The following DLG2 variants were observed in gnomAD, a reference collection of about 807,000 sequenced individuals.
DLG2 encodes the protein disks large homolog 2.
In DLG2, 45 loss-of-function variants were observed where a neutral mutation model predicts 132.5. The ratio of observed to expected loss-of-function variants is 0.34; its 90% CI spans 0.27 to 0.44. The LOEUF is 0.44. DLG2 is among the 20% of genes least tolerant of loss of function. The pLI, the probability that DLG2 is intolerant of heterozygous loss-of-function variation, is 1.00. For synonymous variants in DLG2, 424 were observed against 419.6 expected, an observed-to-expected ratio of 1.01 and a Z score of -0.13; for missense variants, 1,045 against 1,196.9, an observed-to-expected ratio of 0.87 and a Z score of 1.87.
intron 7 of DLG2, among the ~76,000 whole-genome samples, chr11:84,511,059 A>G (rs371591587): frequency 1.7e-4 from 26 of 152,152 alleles, no homozygotes; most frequent in African/African-American, 6.0e-4. Flanking sequence ...GAGAAAATAT[A>G]TCTGTTCCTG....
At chr11:85,588,816 T>C (rs1437645696) in intron 3 of DLG2, among the ~76,000 whole-genome samples, 3 of 152,174 alleles carry the variant, frequency 2.0e-5, no homozygotes, top group African/African-American at 4.8e-5. Context: ...TGGAAAAATC[T>C]GGAACTCAAG....
chr11:84,173,605 T>G (rs1417516976), intron 8 of DLG2, among the ~76,000 whole-genome samples: 1 of 152,198 alleles, frequency 6.6e-6, no homozygotes, highest in Non-Finnish European at 1.5e-5. Context: ...CAAGAATATT[T>G]TCTTTTACTT....
At position 84,763,477 on chromosome 11, in the gene DLG2, A is replaced by G. The variant is rs184390314; in HGVS notation, c.358-228746T>C. The G allele has an allele frequency of 3.3e-5, 5 of 152,178 alleles. No individual in the cohort carries two copies. In the East Asian group the frequency reaches 9.7e-4, roughly 29 times the overall value. 9.4% of individuals were successfully genotyped at this position (152,178 alleles called of 1,614,324 possible). A position where few individuals can be genotyped will look rare whatever the true frequency, so the allele number is the denominator to read the frequency against. ...TCATCTCTCACCCTCATTTGGATCC[A>G]TATTTCAATGATCACATTCTCTGCC... On this transcript the variant is annotated intron_variant, in intron 6 of 27. Coordinates refer to ENST00000376104, the MANE Select transcript of DLG2 (RefSeq NM_001142699.3).
At chr11:84,529,548 C>A (rs2099330235) in intron 7 of DLG2, among the ~76,000 whole-genome samples, 1 of 151,980 alleles carries the variant, frequency 6.6e-6, no homozygotes, top group Admixed American at 6.6e-5. Context: ...TTACAATAGC[C>A]ACAAAAAGAA....
At chr11:84,695,179 CA>C (rs1237217461) in intron 6 of DLG2, among the ~76,000 whole-genome samples, 6 of 151,686 alleles carry the variant, frequency 4.0e-5, no homozygotes, top group Middle Eastern at 3.4e-3. Flanking sequence ...GCCCTTTGCA[CA>C]GTTCTGCAGA....
At position 84,384,164 on chromosome 11, in the gene DLG2, G is replaced by A. The variant is rs539717981; in HGVS notation, c.520-132873C>T. ...AAAGTAAATGTGGAAAGCTGGAAGT[G>A]TATTTATTGAAAGCATTTTATCATT... On this transcript the variant is annotated intron_variant, in intron 7 of 27. Coordinates refer to ENST00000376104, the MANE Select transcript of DLG2 (RefSeq NM_001142699.3). Among the ~76,000 whole-genome samples the A allele has an allele frequency of 3.7e-4, 55 of 150,518 alleles. 1 individual carries two copies. Among genetic ancestry groups the A allele is most frequent in the Non-Finnish European group, 4.3e-4 (29 of 67,652 alleles).
rs1236530992 is a variant in DLG2 at position 84,099,858 on chromosome 11, GATATATATATCTAAAGCGAT to G, written c.625-831_625-812del. Among the ~76,000 whole-genome samples, 2 of 4,608 alleles carry G rather than the reference GATATATATATCTAAAGCGAT, an allele frequency of 4.3e-4. 1 individual carries two copies. The highest frequency in any genetic ancestry group is 1.0e-3 in the African/African-American group (2 of 2,002). 3.0% of individuals were successfully genotyped at this position (4,608 alleles called of 152,430 possible). A position where few individuals can be genotyped will look rare whatever the true frequency, so the allele number is the denominator to read the frequency against. On this transcript the variant is annotated intron_variant, in intron 9 of 27. Coordinates refer to ENST00000376104, the MANE Select transcript of DLG2 (RefSeq NM_001142699.3). ...AAAGCGATATATATATATCTAAAGAGATATATATATCTAAAGCGATATATATATATCTAAAGAGATATATA... is the reference window on the plus strand; with the variant it reads ...AAAGCGATATATATATATCTAAAGAGATATATATATCTAAAGAGATATATA...
intron 6 of DLG2, among the ~76,000 whole-genome samples, chr11:84,840,245 A>G: frequency 6.6e-6 from 1 of 152,180 alleles, no homozygotes; most frequent in South Asian, 2.1e-4. Context: ...AAAAATGCTC[A>G]TCATTACTGG....
intron 4 of DLG2, among the ~76,000 whole-genome samples, chr11:85,203,051 T>C (rs984965318): frequency 5.3e-5 from 8 of 150,340 alleles, no homozygotes; most frequent in Admixed American, 2.7e-4. Context: ...ATTTATTATT[T>C]AATAATAAAT....
intron 8 of DLG2, among the ~76,000 whole-genome samples, chr11:84,239,064 C>T (rs1488825453): frequency 6.6e-6 from 1 of 152,130 alleles, no homozygotes; most frequent in Non-Finnish European, 1.5e-5. Context: ...TAAAAATTCA[C>T]TCTATTAAAA....
chr11:84,036,382 A>G (rs1193016243), intron 11 of DLG2, among the ~76,000 whole-genome samples: 2 of 149,668 alleles, frequency 1.3e-5, no homozygotes, highest in Non-Finnish European at 3.0e-5. Flanking sequence ...CTTGAGAAAC[A>G]AGGAAAAACA....
At chr11:85,046,716 T>A (rs1566727468) in intron 6 of DLG2, among the ~76,000 whole-genome samples, 1 of 151,950 alleles carries the variant, frequency 6.6e-6, no homozygotes. Flanking sequence ...TTGATAGGTG[T>A]CTGTCTTTCT....
intron 7 of DLG2, among the ~76,000 whole-genome samples, chr11:84,279,953 A>C (rs1166579035): frequency 6.6e-6 from 1 of 152,254 alleles, no homozygotes; most frequent in East Asian, 1.9e-4. Context: ...TTCTGGTTTT[A>C]ACAAAAAACT....
At chr11:85,040,203 T>C (rs1001343413) in intron 6 of DLG2, among the ~76,000 whole-genome samples, 5 of 151,964 alleles carry the variant, frequency 3.3e-5, no homozygotes, top group Non-Finnish European at 7.4e-5. Flanking sequence ...AAAGAATTGC[T>C]GAATTCTCCT....
chr11:83,984,171 T>C (rs1435229709), intron 11 of DLG2, among the ~76,000 whole-genome samples: 2 of 149,476 alleles, frequency 1.3e-5, no homozygotes, highest in Non-Finnish European at 3.0e-5. Flanking sequence ...GAAAGCACTA[T>C]GGATACTGTA....
chr11:83,526,949 G>A (rs184137794), intron 21 of DLG2, among the ~76,000 whole-genome samples: 15 of 152,182 alleles, frequency 9.9e-5, no homozygotes, highest in South Asian at 6.2e-4. Context: ...GACCTGCTCC[G>A]TCAGGAAAGT....
At chr11:85,053,384 TCC>T (rs1334981938) in intron 6 of DLG2, among the ~76,000 whole-genome samples, 20 of 152,188 alleles carry the variant, frequency 1.3e-4, no homozygotes, top group African/African-American at 4.8e-4. Flanking sequence ...AATTATACCT[TCC>T]CTGTCTACCA....
At chr11:84,201,872 G>A (rs1367474557) in intron 8 of DLG2, among the ~76,000 whole-genome samples, 1 of 121,122 alleles carries the variant, frequency 8.3e-6, no homozygotes, top group Non-Finnish European at 1.6e-5. Context: ...CAGGCATAGT[G>A]TTATGGTGGG....
chr11:84,480,925 G>C (rs1316063529), intron 7 of DLG2, among the ~76,000 whole-genome samples: 3 of 151,904 alleles, frequency 2.0e-5, no homozygotes, highest in African/African-American at 7.3e-5. Context: ...TTTTAGTAGA[G>C]ACGGGATTTC....
Sources: allele counts gnomAD v4.1 joint callset (sites outside exome capture counted in the v4.1 genomes callset), GRCh38; gene constraint gnomAD v4.1.1; transcripts MANE v1.5; gene names NCBI Gene and HGNC (gene_info 2026-07-23, HGNC 2026-07-21).